The following PRIMPOL variants were observed in gnomAD, a reference collection of about 807,000 sequenced individuals.
PRIMPOL encodes the protein DNA-directed primase/polymerase protein.
In PRIMPOL, 54 loss-of-function variants were observed where a neutral mutation model predicts 63.6. That is an observed-to-expected ratio of 0.85 (90% CI 0.68 to 1.07). PRIMPOL has a LOEUF of 1.07. Ranked by LOEUF, PRIMPOL falls within the 50% of genes least tolerant of loss-of-function variation. The pLI, the probability that PRIMPOL is intolerant of heterozygous loss-of-function variation, is 0.00. For synonymous variants in PRIMPOL, 197 were observed against 220.2 expected (o/e 0.89, Z 0.93); for missense variants, 610 against 648.3 (o/e 0.94, Z 0.64).
intron 6 of PRIMPOL, among the ~76,000 whole-genome samples, chr4:184,667,775 G>A (rs1750492562): frequency 6.6e-6 from 1 of 152,130 alleles, no homozygotes; most frequent in Non-Finnish European, 1.5e-5. Flanking sequence ...CATCACCTAA[G>A]TTTCATTATC....
chr4:184,688,544 G>A (rs929043710), intron 11 of PRIMPOL, among the ~76,000 whole-genome samples: 3 of 152,204 alleles, frequency 2.0e-5, no homozygotes, highest in Non-Finnish European at 4.4e-5. Context: ...GAGGCCCGGG[G>A]CATCTGGCCC....
chr4:184,668,898 C>A (rs1204598176), intron 6 of PRIMPOL, among the ~76,000 whole-genome samples: 1 of 150,852 alleles, frequency 6.6e-6, no homozygotes, highest in Admixed American at 6.6e-5. Context: ...TTATTAATTA[C>A]TAATATTATT....
At chr4:184,670,917 G>A (rs1751436778) in intron 6 of PRIMPOL, among the ~76,000 whole-genome samples, 1 of 152,162 alleles carries the variant, frequency 6.6e-6, no homozygotes, top group Non-Finnish European at 1.5e-5. Context: ...ATTTGTTAAT[G>A]TAAGGGCCCA....
chr4:184,668,983 A>G (rs1158803094), intron 6 of PRIMPOL, among the ~76,000 whole-genome samples: 4 of 151,980 alleles, frequency 2.6e-5, no homozygotes, highest in South Asian at 4.1e-4. Flanking sequence ...TTCAGCTCCT[A>G]TCATGGGCCA....
chr4:184,654,327 A>G (rs1745589214), intron 2 of PRIMPOL, among the ~76,000 whole-genome samples: 1 of 152,170 alleles, frequency 6.6e-6, no homozygotes, highest in African/African-American at 2.4e-5. Flanking sequence ...ATAGAAAGTC[A>G]GTTTCTCAAT....
rs200964730 is a variant in PRIMPOL at position 184,662,037 on chromosome 4, A to AT, written c.408+140dup. Reference sequence around the variant, plus strand: ...TGCTACTCTTCCTTTTGACTTTAGGATTTTTTAATATTACTTGTATGAGTA... The same window carrying AT: ...TGCTACTCTTCCTTTTGACTTTAGGATTTTTTTAATATTACTTGTATGAGTA... On this transcript the variant is annotated intron_variant, in intron 5 of 13. Coordinates refer to ENST00000314970, the MANE Select transcript of PRIMPOL (RefSeq NM_152683.4). The AT allele has an allele frequency of 1.1e-3, 753 of 671,470 alleles. 4 individuals are homozygous for AT. The highest frequency in any genetic ancestry group is 8.0e-3 in the Admixed American group (213 of 26,752). 41.6% of individuals were successfully genotyped at this position (671,470 alleles called of 1,614,324 possible). A position where few individuals can be genotyped will look rare whatever the true frequency, so the allele number is the denominator to read the frequency against.
chr4:184,671,811 T>C (rs146510772), intron 6 of PRIMPOL, among the ~76,000 whole-genome samples: 165 of 150,028 alleles, frequency 1.1e-3, no homozygotes, highest in East Asian at 7.2e-3. Context: ...GGCGCGATCT[T>C]GGCTCACTGC....
chr4:184,666,665 T>A (rs1749973180), intron 6 of PRIMPOL, among the ~76,000 whole-genome samples: 1 of 152,228 alleles, frequency 6.6e-6, no homozygotes, highest in Non-Finnish European at 1.5e-5. Context: ...GGAAAGTGCA[T>A]GAGAGGCCTT....
At chr4:184,694,164 A>G (rs1421481387) in intron 13 of PRIMPOL, 2 of 962,870 alleles carry the variant, frequency 2.1e-6, no homozygotes, top group Non-Finnish European at 2.5e-6. Context: ...CATGGGTACT[A>G]AGTCCATTGT....
At chr4:184,657,853 T>A (rs2720381) in intron 3 of PRIMPOL, among the ~76,000 whole-genome samples, 7 of 151,856 alleles carry the variant, frequency 4.6e-5, no homozygotes, top group African/African-American at 1.7e-4. Flanking sequence ...ATTAGCCGGG[T>A]GTGGTGGCGT....
intron 9 of PRIMPOL, among the ~76,000 whole-genome samples, chr4:184,684,325 G>T (rs1438559693): frequency 1.3e-5 from 2 of 151,968 alleles, no homozygotes; most frequent in African/African-American, 2.4e-5. Context: ...GCGTGGTGTT[G>T]CACGCCTGTA....
chr4:184,662,078 G>A (rs990311568), intron 5 of PRIMPOL, among the ~76,000 whole-genome samples, 175 bp downstream of exon 5: 3 of 152,096 alleles, frequency 2.0e-5, no homozygotes, highest in Admixed American at 6.6e-5. Flanking sequence ...TGAAAAGGAA[G>A]GAAAGTTCAA....
In PRIMPOL at chr4:184,656,964, C is replaced by T. The variant is rs1274567036; in HGVS notation, c.-59-118C>T. The T allele has an allele frequency of 5.8e-5, 28 of 485,138 alleles. No homozygotes were observed. The East Asian group carries it at 8.0e-4, about 14-fold the overall frequency. 30.1% of individuals were successfully genotyped at this position (485,138 alleles called of 1,614,324 possible). A position where few individuals can be genotyped will look rare whatever the true frequency, so the allele number is the denominator to read the frequency against. On this transcript the variant is annotated intron_variant, in intron 2 of 13. Transcript: ENST00000314970. Reference sequence around the variant, plus strand: ...GCCTTGCTCTCATTCTGTGGTAAAACTTCATGCAAAGAATAAACAAGAAAA... The same window carrying T: ...GCCTTGCTCTCATTCTGTGGTAAAATTTCATGCAAAGAATAAACAAGAAAA...
intron 2 of PRIMPOL, among the ~76,000 whole-genome samples, chr4:184,654,307 A>G (rs756028969): frequency 2.0e-5 from 3 of 152,218 alleles, no homozygotes; most frequent in Non-Finnish European, 4.4e-5. Flanking sequence ...AAAAGTTAAT[A>G]AACTTCATGA....
At chr4:184,688,433 T>C (rs1231438351) in intron 11 of PRIMPOL, among the ~76,000 whole-genome samples, 1 of 152,218 alleles carries the variant, frequency 6.6e-6, no homozygotes, top group Non-Finnish European at 1.5e-5. Flanking sequence ...TGAGGATGGA[T>C]AATCAAATTA....
rs1758464289 is a variant in PRIMPOL at position 184,691,340 on chromosome 4, C to A, written c.1296-159C>A. The A allele has an allele frequency of 5.7e-6, 3 of 529,620 alleles. No individual in the cohort carries two copies. The South Asian group carries it at 9.0e-5, about 16-fold the overall frequency. 32.8% of individuals were successfully genotyped at this position (529,620 alleles called of 1,614,324 possible). On this transcript the variant is annotated intron_variant, in intron 11 of 13. Coordinates refer to ENST00000314970, the MANE Select transcript of PRIMPOL (RefSeq NM_152683.4). ...GTTCATTTTGTGTGATTTTTGGCAA[C>A]CACCGTTTTGATTGGTATGTATCTA... is the stretch of plus-strand genomic sequence containing the variant.
intron 5 of PRIMPOL, among the ~76,000 whole-genome samples, chr4:184,662,312 A>G (rs940256703): frequency 6.6e-6 from 1 of 152,240 alleles, no homozygotes; most frequent in African/African-American, 2.4e-5. Flanking sequence ...AGAATTTTCA[A>G]GCTTGCAGGA....
rs1308154797 is a variant in PRIMPOL at position 184,666,033 on chromosome 4, TG to T, written c.526del (p.Asp176MetfsTer14). Reference protein sequence around the residue: ...FSRHLIFQLHDVAFKDNIHVG... With the variant: ...FSRHLIFQLHXVAFKDNIHVG... Reference sequence around the variant, plus strand: ...GCCGGCATTTAATATTTCAGCTCCATGATGTGGCATTTAAAGATAATATTCA... The same window carrying T: ...GCCGGCATTTAATATTTCAGCTCCATATGTGGCATTTAAAGATAATATTCA... On this transcript the variant is annotated frameshift_variant, in exon 6 of 14. Coordinates refer to ENST00000314970, the MANE Select transcript of PRIMPOL (RefSeq NM_152683.4). LOFTEE classifies it high-confidence loss of function. 6.2e-7 allele frequency: 1 copy of T among 1,608,048 alleles called. No individual in the cohort carries two copies. The highest frequency in any genetic ancestry group is 8.5e-7 in the Non-Finnish European group (1 of 1,177,540).
chr4:184,672,659 T>A (rs1036941224), intron 7 of PRIMPOL, among the ~76,000 whole-genome samples, 199 bp downstream of exon 7: 1 of 152,194 alleles, frequency 6.6e-6, no homozygotes, highest in African/African-American at 2.4e-5. Flanking sequence ...CAGGCCGGCC[T>A]GAGCTCCAGC....
Sources: gnomAD v4.1 joint callset for allele counts (sites outside exome capture counted in the v4.1 genomes callset) on GRCh38, gnomAD v4.1.1 for gene constraint, MANE v1.5 for transcripts, NCBI Gene and HGNC (gene_info 2026-07-23, HGNC 2026-07-21) for gene names.